Variants in GRIK1 observed in about 807,000 individuals in gnomAD.
The protein encoded by GRIK1 is glutamate ionotropic receptor kainate type subunit 1.
Under a neutral mutation model 105.7 loss-of-function variants are expected in GRIK1, and 69 were observed. The observed-to-expected ratio is 0.65, with a 90% CI of 0.54 to 0.80. The LOEUF (loss-of-function observed/expected upper bound fraction) is 0.80. Among genes scored for constraint, GRIK1 ranks in the 30% least tolerant of loss-of-function variants. GRIK1 has a pLI of 0.00. For missense variants in GRIK1, 1,109 were observed against 1,167.3 expected, an observed-to-expected ratio of 0.95 and a Z score of 0.73; for synonymous variants, 438 against 431.3, an observed-to-expected ratio of 1.02 and a Z score of -0.19.
intron 14 of GRIK1, among the ~76,000 whole-genome samples, chr21:29,574,112 T>TTG (rs58082367): frequency 0.99 from 151,578 of 152,346 alleles, 75,408 homozygotes; most frequent in Middle Eastern, 1. Flanking sequence ...TAAATAAATT[T>TTG]TGTTTAGACT....
chr21:29,769,553 G>C (rs1384388496), intron 1 of GRIK1, among the ~76,000 whole-genome samples: 1 of 152,100 alleles, frequency 6.6e-6, no homozygotes, highest in Non-Finnish European at 1.5e-5. Context: ...GTTCACAATA[G>C]GGTTTGCGCT....
chr21:29,689,833 A>G lies in GRIK1; in HGVS notation c.439T>C (p.Tyr147His), dbSNP rs770948786. Residue 147 changes from tyrosine (Y) to histidine (H), a missense_variant, in exon 3 of 18, where the codon TAC becomes CAC. Tyr to His is a moderately conservative substitution (Grantham distance 83). Transcript: ENST00000327783. ...HPSVDNKDLFYINLYPDYAAI... is the reference protein window; with the variant it reads ...HPSVDNKDLFHINLYPDYAAI... The stretch of plus-strand genomic sequence containing the variant: ...GCATAATCTGGGTAAAGGTTGATGT[A>G]AAACAAATCTTTGTTGTCCACCGAG... 6.2e-7 allele frequency: 1 copy of G among 1,614,020 alleles called. No individual in the cohort carries two copies. The highest frequency in any genetic ancestry group is 1.1e-5 in the South Asian group (1 of 91,070).
chr21:29,799,285 A>G (rs925762042), intron 1 of GRIK1, among the ~76,000 whole-genome samples: 2 of 152,226 alleles, frequency 1.3e-5, no homozygotes, highest in Admixed American at 1.3e-4. Flanking sequence ...TTAGACTGAC[A>G]TGGACACTTA....
intron 3 of GRIK1, among the ~76,000 whole-genome samples, chr21:29,682,858 G>C (rs149356903): frequency 0.011 from 1,721 of 152,062 alleles, 33 homozygotes; most frequent in African/African-American, 0.04. Flanking sequence ...CCACAGAATG[G>C]GAGAAAATGT....
rs182793834 is a variant in GRIK1, at chr21:29,654,262, T to G, written c.780+548A>C. On this transcript the variant is annotated intron_variant, in intron 5 of 17. Transcript: ENST00000327783. ...TCAGATAGTCTCTCAAAATTTAAGA[T>G]GTCCTATGGTTTCTTTTAGATTTCT... is the stretch of plus-strand genomic sequence containing the variant. Among the ~76,000 whole-genome samples the G allele has an allele frequency of 2.1e-4, 32 of 152,332 alleles. No homozygotes were observed. The East Asian group carries it at 5.8e-3, about 28-fold the overall frequency.
chr21:29,725,866 T>A (rs957994896), intron 1 of GRIK1, among the ~76,000 whole-genome samples: 1 of 152,240 alleles, frequency 6.6e-6, no homozygotes, highest in Non-Finnish European at 1.5e-5. Flanking sequence ...TTGTCTCGTC[T>A]GCCTCCCACA....
At position 29,651,478 on chromosome 21, in the gene GRIK1, T is replaced by A. The variant is rs554322171; in HGVS notation, c.781-187A>T. On this transcript the variant is annotated intron_variant, in intron 5 of 17. Coordinates refer to ENST00000327783, the MANE Select transcript of GRIK1 (RefSeq NM_001330994.2). ...CATGTTAAATGGAAAACTTCAGAAA[T>A]AAGCAATTCATAATTTTAAAATTGC... is the stretch of plus-strand genomic sequence containing the variant. Among the ~76,000 whole-genome samples, 23 of 152,266 alleles carry A rather than the reference T, an allele frequency of 1.5e-4. No individual in the cohort carries two copies. In the South Asian group the frequency reaches 4.8e-3, roughly 32 times the overall value.
At chr21:29,665,867 T>C (rs1667463767) in intron 4 of GRIK1, among the ~76,000 whole-genome samples, 1 of 152,214 alleles carries the variant, frequency 6.6e-6, no homozygotes, top group Admixed American at 6.5e-5. Flanking sequence ...ATTTTCCTCA[T>C]CTATGACAAA....
chr21:29,620,792 T>TAGATAGATAG (rs1491286680), intron 7 of GRIK1, among the ~76,000 whole-genome samples: 1 of 109,704 alleles, frequency 9.1e-6, no homozygotes, highest in African/African-American at 5.2e-5. Flanking sequence ...GATATATATA[T>TAGATAGATAG]CTATATATAT....
intron 1 of GRIK1, among the ~76,000 whole-genome samples, chr21:29,932,343 T>A (rs1305426912): frequency 6.6e-6 from 1 of 152,168 alleles, no homozygotes; most frequent in African/African-American, 2.4e-5. Context: ...CTTGTTAATT[T>A]CAATTTGTGA....
chr21:29,824,903 T>G (rs1249569801), intron 1 of GRIK1, among the ~76,000 whole-genome samples: 1 of 151,938 alleles, frequency 6.6e-6, no homozygotes. Context: ...ATCAGGGAGA[T>G]TGCAATTGCT....
At chr21:29,624,526 T>C (rs1267467820) in intron 7 of GRIK1, among the ~76,000 whole-genome samples, 1 of 152,222 alleles carries the variant, frequency 6.6e-6, no homozygotes, top group Non-Finnish European at 1.5e-5. Context: ...GTAGAAAATC[T>C]CTAACATTTA....
chr21:29,896,125 A>G (rs2070146267), intron 1 of GRIK1, among the ~76,000 whole-genome samples: 2 of 152,226 alleles, frequency 1.3e-5, no homozygotes, highest in Admixed American at 1.3e-4. Flanking sequence ...GCTGAGTCTA[A>G]TATGGAACAC....
At chr21:29,729,604 A>G (rs960785820) in intron 1 of GRIK1, among the ~76,000 whole-genome samples, 3 of 152,194 alleles carry the variant, frequency 2.0e-5, no homozygotes, top group African/African-American at 7.2e-5. Flanking sequence ...AACAGAATAA[A>G]TAAATTATAT....
intron 1 of GRIK1, among the ~76,000 whole-genome samples, chr21:29,878,875 A>G (rs2146172601): frequency 6.6e-6 from 1 of 151,800 alleles, no homozygotes; most frequent in African/African-American, 2.4e-5. Context: ...ACCGATTTTT[A>G]TGGTCCTTTG....
In GRIK1 at chr21:29,888,218, T is replaced by TCTCTCTCTCC. The variant is rs2069744328; in HGVS notation, c.118+51164_118+51165insGGAGAGAGAG. Among the ~76,000 whole-genome samples the TCTCTCTCTCC allele has an allele frequency of 2.3e-4, 30 of 129,220 alleles. 3 individuals are homozygous for TCTCTCTCTCC. The East Asian group carries it at 7.0e-3, about 30-fold the overall frequency. 84.8% of individuals were successfully genotyped at this position (129,220 alleles called of 152,430 possible). A position where few individuals can be genotyped will look rare whatever the true frequency, so the allele number is the denominator to read the frequency against. ...CTTTCTCTCTCTCTCTCTCTCTCTC[T>TCTCTCTCTCC]CTCTCTCTCTCTCTCCTTCCTTCCT... On this transcript the variant is annotated intron_variant, in intron 1 of 17. Coordinates refer to ENST00000327783, the MANE Select transcript of GRIK1 (RefSeq NM_001330994.2).
At chr21:29,837,739 C>T (rs1467071741) in intron 1 of GRIK1, among the ~76,000 whole-genome samples, 1 of 151,748 alleles carries the variant, frequency 6.6e-6, no homozygotes, top group East Asian at 1.9e-4. Flanking sequence ...CCACTGTGAT[C>T]ATAAGATTTA....
At chr21:29,905,734 C>T (rs2070606766) in intron 1 of GRIK1, among the ~76,000 whole-genome samples, 1 of 138,804 alleles carries the variant, frequency 7.2e-6, no homozygotes, top group Admixed American at 7.6e-5. Context: ...TCACGCCATT[C>T]TCCTGCCTCA....
intron 1 of GRIK1, among the ~76,000 whole-genome samples, chr21:29,811,533 C>T (rs193258308): frequency 3.5e-4 from 53 of 152,266 alleles, no homozygotes; most frequent in African/African-American, 1.3e-3. Flanking sequence ...TCTGTCCTCC[C>T]TTCTGATTCA....
Sources: gnomAD v4.1 joint callset for allele counts (sites outside exome capture counted in the v4.1 genomes callset) on GRCh38, gnomAD v4.1.1 for gene constraint, MANE v1.5 for transcripts, NCBI Gene and HGNC (gene_info 2026-07-23, HGNC 2026-07-21) for gene names.